Variants in KCNH7 observed in about 807,000 individuals in gnomAD.
KCNH7 encodes potassium voltage-gated channel subfamily H member 7, also known as voltage-gated inwardly rectifying potassium channel KCNH7.
A neutral mutation model predicts 120.8 loss-of-function variants in KCNH7; 49 were observed. The observed-to-expected ratio is 0.41, with a 90% confidence interval of 0.32 to 0.51. The LOEUF is 0.51. KCNH7 is among the 20% of genes least tolerant of loss of function. The pLI is 0.38. For synonymous variants in KCNH7, 547 were observed against 516.1 expected (o/e 1.06, Z -0.81); for missense variants, 1,097 against 1,446.6 (o/e 0.76, Z 3.92).
At chr2:162,557,917 G>C (rs771004723) in intron 2 of KCNH7, among the ~76,000 whole-genome samples, 73 of 152,044 alleles carry the variant, frequency 4.8e-4, no homozygotes, top group Admixed American at 2.0e-4. Context: ...GTAATTATAC[G>C]ACAAGTTTGC....
intron 11 of KCNH7, among the ~76,000 whole-genome samples, chr2:162,395,545 A>T (rs1686886442): frequency 6.6e-6 from 1 of 151,736 alleles, no homozygotes; most frequent in Admixed American, 6.6e-5. Flanking sequence ...ACTTTTATAT[A>T]AAGAAGTTAT....
At chr2:162,820,442 G>A (rs555517761) in intron 2 of KCNH7, among the ~76,000 whole-genome samples, 1 of 152,078 alleles carries the variant, frequency 6.6e-6, no homozygotes, top group East Asian at 1.9e-4. Flanking sequence ...AGGAAAATAG[G>A]CAATTAGGTG....
At chr2:162,518,292 G>C (rs898606434) in intron 3 of KCNH7, 134 bp from the exon 4 acceptor site, 7 of 670,098 alleles carry the variant, frequency 1.0e-5, no homozygotes, top group Non-Finnish European at 1.7e-5. Flanking sequence ...TGGAATAGAG[G>C]ATATTGTAGA....
intron 3 of KCNH7, among the ~76,000 whole-genome samples, chr2:162,534,069 A>C (rs1490280583): frequency 6.6e-6 from 1 of 151,432 alleles, no homozygotes; most frequent in East Asian, 1.9e-4. Flanking sequence ...ATATTAAACA[A>C]CTCAAGTTAA....
intron 6 of KCNH7, among the ~76,000 whole-genome samples, chr2:162,502,469 A>G (rs1483427927): frequency 3.3e-5 from 5 of 152,088 alleles, no homozygotes; most frequent in Non-Finnish European, 7.4e-5. Context: ...ATTTGCCTTA[A>G]TGTCACACAA....
At chr2:162,716,322 G>A (rs754703467) in intron 2 of KCNH7, among the ~76,000 whole-genome samples, 1 of 152,058 alleles carries the variant, frequency 6.6e-6, no homozygotes, top group East Asian at 1.9e-4. Flanking sequence ...GTCTAGTCAC[G>A]TGATTGTTAT....
At chr2:162,640,953 A>G (rs1224423040) in intron 2 of KCNH7, among the ~76,000 whole-genome samples, 1 of 152,162 alleles carries the variant, frequency 6.6e-6, no homozygotes, top group Non-Finnish European at 1.5e-5. Flanking sequence ...GCCATTAGGG[A>G]AGTACAAATT....
intron 2 of KCNH7, among the ~76,000 whole-genome samples, chr2:162,557,514 G>A (rs1264263118): frequency 6.6e-6 from 1 of 152,280 alleles, no homozygotes; most frequent in East Asian, 1.9e-4. Flanking sequence ...GCAAAAGATG[G>A]GAGATGGTGG....
chr2:162,715,103 G>A (rs1687065611), intron 2 of KCNH7, among the ~76,000 whole-genome samples: 1 of 152,118 alleles, frequency 6.6e-6, no homozygotes, highest in Non-Finnish European at 1.5e-5. Context: ...GGCCATTGTG[G>A]ATTACTATAA....
rs76096061 is a variant in KCNH7 at position 162,503,055 on chromosome 2, G to A, written c.1128+1388C>T. Among the ~76,000 whole-genome samples, 551 of 152,142 alleles carry A rather than the reference G, an allele frequency of 3.6e-3. 3 individuals are homozygous for A. Among genetic ancestry groups the A allele is most frequent in the African/African-American group, 0.012 (508 of 41,540 alleles). ...ATTGGTCAAGCATTTCTGCCTAACC[G>A]CAGTTAGACAGAGCTGCATATCAGC... On this transcript the variant is annotated intron_variant, in intron 6 of 15. Transcript: ENST00000332142.
At chr2:162,685,211 G>T (rs189426348) in intron 2 of KCNH7, among the ~76,000 whole-genome samples, 1 of 152,016 alleles carries the variant, frequency 6.6e-6, no homozygotes, top group African/African-American at 2.4e-5. Context: ...GGGGAACTAG[G>T]GGAGGGATAG....
chr2:162,784,161 A>G (rs1460129349), intron 2 of KCNH7, among the ~76,000 whole-genome samples: 1 of 152,044 alleles, frequency 6.6e-6, no homozygotes, highest in Non-Finnish European at 1.5e-5. Context: ...TCTTCAGCAA[A>G]CTAAAAATGA....
chr2:162,791,823 T>A (rs1365307198), intron 2 of KCNH7, among the ~76,000 whole-genome samples: 1 of 152,132 alleles, frequency 6.6e-6, no homozygotes. Flanking sequence ...CTATGTTGAA[T>A]AGGATTAGTG....
chr2:162,571,875 C>T (rs1364377377), intron 2 of KCNH7, among the ~76,000 whole-genome samples: 2 of 151,768 alleles, frequency 1.3e-5, no homozygotes, highest in African/African-American at 2.4e-5. Flanking sequence ...CCCTTCCTTA[C>T]ACCTTATACA....
At chr2:162,391,926 A>T (rs1686757021) in intron 12 of KCNH7, among the ~76,000 whole-genome samples, 1 of 152,048 alleles carries the variant, frequency 6.6e-6, no homozygotes, top group Non-Finnish European at 1.5e-5. Context: ...AAAAGTCACC[A>T]AGAAAATAAT....
chr2:162,544,330 G>A (rs1386676188), intron 2 of KCNH7, among the ~76,000 whole-genome samples: 1 of 152,090 alleles, frequency 6.6e-6, no homozygotes, highest in Non-Finnish European at 1.5e-5. Context: ...ACCAGGATTA[G>A]CATTTGAAAG....
intron 3 of KCNH7, among the ~76,000 whole-genome samples, chr2:162,534,310 A>G (rs1337483815): frequency 6.6e-6 from 1 of 151,516 alleles, no homozygotes; most frequent in Non-Finnish European, 1.5e-5. Flanking sequence ...TTGAAAACTA[A>G]TAGAATTAAT....
At chr2:162,685,286 T>C (rs904621623) in intron 2 of KCNH7, among the ~76,000 whole-genome samples, 4 of 152,010 alleles carry the variant, frequency 2.6e-5, no homozygotes, top group African/African-American at 9.7e-5. Context: ...ATGGCACATG[T>C]ATACCTATGT....
chr2:162,462,447 C>T lies in KCNH7; in HGVS notation c.1129-16004G>A, dbSNP rs112240721. Reference sequence around the variant, plus strand: ...GAAGTTAAAAATCCCTAACATAAGGCTTGGATTTCTATGGATCTCTGAATG... The same window carrying T: ...GAAGTTAAAAATCCCTAACATAAGGTTTGGATTTCTATGGATCTCTGAATG... On this transcript the variant is annotated intron_variant, in intron 6 of 15. Transcript: ENST00000332142. 4.0e-5 allele frequency among the ~76,000 whole-genome samples: 6 copies of T among 151,848 alleles called. 1 individual carries two copies. Among genetic ancestry groups the T allele is most frequent in the African/African-American group, 1.2e-4 (5 of 41,436 alleles).
Sources: allele counts gnomAD v4.1 joint callset (sites outside exome capture counted in the v4.1 genomes callset), GRCh38; gene constraint gnomAD v4.1.1; transcripts MANE v1.5; gene names NCBI Gene and HGNC (gene_info 2026-07-23, HGNC 2026-07-21).